The following PVR variants were observed in gnomAD, a reference collection of about 807,000 sequenced individuals.
The protein encoded by PVR is poliovirus receptor.
In PVR, 39 loss-of-function variants were observed where a neutral mutation model predicts 43.3. The ratio of observed to expected loss-of-function variants is 0.90; its 90% CI spans 0.70 to 1.18. The LOEUF (loss-of-function observed/expected upper bound fraction) is 1.18, where lower values mean the gene tolerates loss of function less well. PVR is among the 50% of genes most tolerant of loss of function. PVR has a pLI of 0.00. For missense variants in PVR, 480 were observed against 549.7 expected (o/e 0.87, Z 1.27); for synonymous variants, 224 against 233.2 (o/e 0.96, Z 0.36).
rs747522194 is a variant in PVR at position 44,658,825 on chromosome 19, C to G, written c.1075C>G (p.Leu359Val). The G allele has an allele frequency of 1.9e-6, 3 of 1,613,958 alleles. No homozygotes were observed. The highest frequency in any genetic ancestry group is 1.7e-6 in the Non-Finnish European group (2 of 1,179,828). Residue 359 changes from leucine to valine, a missense_variant, in exon 6 of 8, where the codon CTG becomes GTG. By Grantham distance (32) the Leu-to-Val change is conservative. Transcript: ENST00000425690. ...GGGAATCCTGGTTTTTCTGATCCTGCTGGGGATCGGGATTTATTTCTATTG... is the reference window on the plus strand; with the variant it reads ...GGGAATCCTGGTTTTTCTGATCCTGGTGGGGATCGGGATTTATTTCTATTG... ...VLGILVFLIL[L>V]GIGIYFYWSK...
At position 44,647,243 on chromosome 19, in the gene PVR, C is replaced by T; in HGVS notation, c.100C>T (p.Pro34Ser). The stretch of plus-strand genomic sequence containing the variant: ...CGCAGGGGACGTCGTCGTGCAGGCG[C>T]CCACCCAGGTGCCCGGCTTCTTGGG... ...PGTGDVVVQA[P>S]TQVPGFLGDS... Residue 34 changes from proline (P) to serine (S), a missense_variant, in exon 2 of 8, where the codon CCC (proline) becomes TCC (serine). Coordinates refer to ENST00000425690, the MANE Select transcript of PVR (RefSeq NM_006505.5). The T allele has an allele frequency of 6.5e-7, 1 of 1,548,088 alleles. No homozygotes were observed.
intron 4 of PVR, among the ~76,000 whole-genome samples, chr19:44,654,695 G>A (rs1435945881): frequency 6.6e-6 from 1 of 152,246 alleles, no homozygotes; most frequent in Non-Finnish European, 1.5e-5. Context: ...CTAACCTGCA[G>A]GCCACATCAT....
At chr19:44,646,538 G>A (rs1973119148) in intron 1 of PVR, among the ~76,000 whole-genome samples, 1 of 152,174 alleles carries the variant, frequency 6.6e-6, no homozygotes, top group Non-Finnish European at 1.5e-5. Context: ...GCCGTAGTGG[G>A]AGGATCACTT....
Position 44,657,881 on chromosome 19 carries a change from G to T in PVR, c.962G>T (p.Arg321Leu). ...AACGTCACCAATGCCCTAGGAGCTC[G>T]CCAGGCAGAACTGACCGTCCAGGTC... is the stretch of plus-strand genomic sequence containing the variant. ...ICNVTNALGA[R>L]QAELTVQVKE... Residue 321 changes from arginine to leucine, a missense_variant, in exon 5 of 8, where the codon CGC becomes CTC. Transcript: ENST00000425690. 1 of 1,613,802 alleles carries T rather than the reference G, an allele frequency of 6.2e-7. No homozygotes were observed. Among genetic ancestry groups the T allele is most frequent in the Non-Finnish European group, 8.5e-7 (1 of 1,179,876 alleles).
intron 5 of PVR, 70 bp from the exon 6 acceptor site, chr19:44,658,672 T>C (rs1055829701): frequency 1.5e-6 from 2 of 1,372,252 alleles, no homozygotes; most frequent in Non-Finnish European, 2.0e-6. Flanking sequence ...AAATTCAAGA[T>C]GCCATTTCAA....
At position 44,659,444 on chromosome 19, in the gene PVR, C is replaced by A. The variant is rs145836076; in HGVS notation, c.1150+544C>A. Among the ~76,000 whole-genome samples, 42 of 152,082 alleles carry A rather than the reference C, an allele frequency of 2.8e-4. 1 individual carries two copies. Among genetic ancestry groups the A allele is most frequent in the Admixed American group, 9.2e-4 (14 of 15,264 alleles). ...TCTACATGCCACTTTGTATGTATAA[C>A]CCCCTCGATTTTAATTTTTAATTTT... On this transcript the variant is annotated intron_variant, in intron 6 of 7. Coordinates refer to ENST00000425690, the MANE Select transcript of PVR (RefSeq NM_006505.5).
At chr19:44,648,876 GA>G (rs1461200862) in intron 2 of PVR, among the ~76,000 whole-genome samples, 1 of 152,166 alleles carries the variant, frequency 6.6e-6, no homozygotes, top group Non-Finnish European at 1.5e-5. Flanking sequence ...AAGTTAAGGA[GA>G]AATCTTCGGT....
chr19:44,656,545 T>C (rs182923211), intron 4 of PVR, among the ~76,000 whole-genome samples: 209 of 152,296 alleles, frequency 1.4e-3, no homozygotes, highest in African/African-American at 4.9e-3. Flanking sequence ...CCAACATACG[T>C]TGGTCGATAA....
chr19:44,645,340 TAAA>T (rs1450891978), intron 1 of PVR, among the ~76,000 whole-genome samples: 1 of 121,974 alleles, frequency 8.2e-6, no homozygotes, highest in Non-Finnish European at 1.6e-5. Context: ...ATTTATATAA[TAAA>T]TAATATATAT....
intron 2 of PVR, among the ~76,000 whole-genome samples, chr19:44,649,492 C>T (rs1436968788): frequency 6.8e-6 from 1 of 147,418 alleles, no homozygotes; most frequent in African/African-American, 2.5e-5. Flanking sequence ...AGCAGTGACA[C>T]AATCTCAGCT....
intron 1 of PVR, 146 bp from the exon 2 acceptor site, chr19:44,647,077 T>TTCCCCCCCCCCCCCCCCCC: frequency 3.2e-6 from 1 of 311,374 alleles, no homozygotes; most frequent in Non-Finnish European, 5.7e-6. Flanking sequence ...GTGCCCCAGT[T>TTCCCCCCCCCCCCCCCCCC]CCCCCTCCCC....
chr19:44,649,011 C>A (rs997539327), intron 2 of PVR, among the ~76,000 whole-genome samples: 4 of 152,184 alleles, frequency 2.6e-5, no homozygotes, highest in African/African-American at 9.6e-5. Context: ...AGCTCTGCTG[C>A]TTACAGCTGT....
chr19:44,644,447 T>G (rs1408785935), intron 1 of PVR, among the ~76,000 whole-genome samples: 1 of 151,968 alleles, frequency 6.6e-6, no homozygotes, highest in Non-Finnish European at 1.5e-5. Flanking sequence ...TCTGGGCCCC[T>G]CGGAAAGGGG....
At chr19:44,645,547 T>C (rs1158327946) in intron 1 of PVR, among the ~76,000 whole-genome samples, 1 of 149,140 alleles carries the variant, frequency 6.7e-6, no homozygotes, top group Non-Finnish European at 1.5e-5. Context: ...CATTGCAAAC[T>C]CGACTTCCCA....
At chr19:44,658,943 G>A in intron 6 of PVR, 43 bp downstream of exon 6, 1 of 1,586,560 alleles carries the variant, frequency 6.3e-7, no homozygotes, top group Non-Finnish European at 8.6e-7. Flanking sequence ...CCTACTACGG[G>A]CTCTGTGCTG....
intron 1 of PVR, among the ~76,000 whole-genome samples, chr19:44,645,936 C>T (rs974489912): frequency 3.4e-4 from 51 of 152,200 alleles, no homozygotes; most frequent in Admixed American, 2.0e-3. Context: ...TATATAGGAC[C>T]TGGGGGATTA....
chr19:44,653,213 C>G lies in PVR; in HGVS notation c.725-687C>G, dbSNP rs1051444601. Among the ~76,000 whole-genome samples, 3 of 152,256 alleles carry G rather than the reference C, an allele frequency of 2.0e-5. 1 individual carries two copies. In the South Asian group the frequency reaches 6.2e-4, roughly 32 times the overall value. On this transcript the variant is annotated intron_variant, in intron 3 of 7. Transcript: ENST00000425690. ...AGCATCTGCTGTAATATTCCAACAC[C>G]CTGTCTACACTGAACCCATCAGTAA... is the stretch of plus-strand genomic sequence containing the variant.
intron 1 of PVR, 30 bp downstream of exon 1, chr19:44,644,205 C>T: frequency 6.9e-7 from 1 of 1,457,802 alleles, no homozygotes; most frequent in Admixed American, 2.6e-5. Context: ...TCCGGTGGCC[C>T]CTGTCTGGCT....
At position 44,658,788 on chromosome 19, in the gene PVR, C is replaced by T; in HGVS notation, c.1038C>T (p.Ile346=). ...EHSGMSRNAI[I]FLVLGILVFL... ...CAGGCATGTCCCGTAACGCCATCAT[C>T]TTCCTGGTTCTGGGAATCCTGGTTT... is the stretch of plus-strand genomic sequence containing the variant. Residue 346 remains isoleucine, a synonymous_variant, in exon 6 of 8, where the codon ATC becomes ATT. Transcript: ENST00000425690. The T allele has an allele frequency of 6.2e-7, 1 of 1,612,716 alleles. No homozygotes were observed. The highest frequency in any genetic ancestry group is 1.1e-5 in the South Asian group (1 of 91,054).
Sources: allele counts gnomAD v4.1 joint callset (sites outside exome capture counted in the v4.1 genomes callset), GRCh38; gene constraint gnomAD v4.1.1; transcripts MANE v1.5; gene names NCBI Gene and HGNC (gene_info 2026-07-23, HGNC 2026-07-21).